IFNAR1: variants seen among roughly 807,000 people sequenced by gnomAD.
IFNAR1 encodes the protein interferon alpha/beta receptor 1.
A neutral mutation model predicts 62.1 loss-of-function variants in IFNAR1; 47 were observed. The observed-to-expected ratio is 0.76, with a 90% CI of 0.60 to 0.97. The LOEUF is 0.97. Ranked by LOEUF, IFNAR1 falls within the 50% of genes least tolerant of loss-of-function variation. The pLI is 0.00. For missense variants in IFNAR1, 638 were observed against 654.5 expected, an observed-to-expected ratio of 0.97 and a Z score of 0.27; for synonymous variants, 219 against 226.9, an observed-to-expected ratio of 0.97 and a Z score of 0.31.
At chr21:33,338,035 T>C (rs1430654313) in intron 2 of IFNAR1, among the ~76,000 whole-genome samples, 1 of 152,020 alleles carries the variant, frequency 6.6e-6, no homozygotes, top group Non-Finnish European at 1.5e-5. Context: ...GAGCTTAATA[T>C]CCAAGGAACT....
chr21:33,348,459 A>T lies in IFNAR1; in HGVS notation c.789-632A>T, dbSNP rs143057315. Among the ~76,000 whole-genome samples the T allele has an allele frequency of 2.8e-4, 42 of 152,262 alleles. No individual in the cohort carries two copies. The East Asian group carries it at 7.3e-3, about 27-fold the overall frequency. On this transcript the variant is annotated intron_variant, in intron 6 of 10. Coordinates refer to ENST00000270139, the MANE Select transcript of IFNAR1 (RefSeq NM_000629.3). ...GTAGTAAAATAATTAGGACAAGATG[A>T]ATTTATTTATTACCTCTGTCTTTAA...
intron 1 of IFNAR1, among the ~76,000 whole-genome samples, chr21:33,330,128 A>G (rs1374946844): frequency 2.0e-5 from 3 of 152,232 alleles, no homozygotes; most frequent in Non-Finnish European, 4.4e-5. Context: ...TGTGCACGTT[A>G]TTAGAGCAAT....
chr21:33,324,755 T>C (rs2083106420), upstream of IFNAR1: 1 of 478,052 alleles, frequency 2.1e-6, no homozygotes, highest in South Asian at 2.7e-5. Context: ...AAGAAGAGAA[T>C]GCAGGAGGCC....
At chr21:33,341,205 C>A (rs1381643453) in intron 3 of IFNAR1, 31 bp downstream of exon 3, 6 of 1,536,742 alleles carry the variant, frequency 3.9e-6, no homozygotes, top group Admixed American at 1.8e-5. Flanking sequence ...GAATTATATT[C>A]TTTAGTAAAT....
chr21:33,341,667 T>C (rs2083293570), intron 3 of IFNAR1, among the ~76,000 whole-genome samples: 1 of 152,128 alleles, frequency 6.6e-6, no homozygotes. Flanking sequence ...ATAAAATAGG[T>C]TTATCATTGT....
rs796391423 is a variant in IFNAR1, at chr21:33,339,950, A to G, written c.201-1049A>G. On this transcript the variant is annotated intron_variant, in intron 2 of 10. Transcript: ENST00000270139. ...CTCAAAAAAAAAAAAAAAAAAAAAA[A>G]GAAATCTGCTAAGTTCGTTTCTATC... is the stretch of plus-strand genomic sequence containing the variant. Among the ~76,000 whole-genome samples, 546 of 143,774 alleles carry G rather than the reference A, an allele frequency of 3.8e-3. 5 individuals carry two copies. The Middle Eastern group carries it at 0.04, about 10-fold the overall frequency. 94.3% of individuals were successfully genotyped at this position (143,774 alleles called of 152,430 possible). A position where few individuals can be genotyped will look rare whatever the true frequency, so the allele number is the denominator to read the frequency against.
intron 5 of IFNAR1, 72 bp downstream of exon 5, chr21:33,343,748 T>C (rs2083317798): frequency 4.0e-6 from 4 of 989,672 alleles, no homozygotes; most frequent in Non-Finnish European, 6.1e-6. Flanking sequence ...CTTCCCCATA[T>C]TGCTGAAGTT....
intron 10 of IFNAR1, among the ~76,000 whole-genome samples, chr21:33,354,033 G>C (rs1259759617): frequency 6.6e-6 from 1 of 152,188 alleles, no homozygotes; most frequent in African/African-American, 2.4e-5. Flanking sequence ...TGTGGCATTT[G>C]TTTTACCGTT....
intron 2 of IFNAR1, among the ~76,000 whole-genome samples, chr21:33,339,927 C>CAAAAA (rs532975886): frequency 7.3e-5 from 6 of 81,830 alleles, no homozygotes; most frequent in Non-Finnish European, 9.6e-5. Flanking sequence ...GACTCTGTCT[C>CAAAAA]AAAAAAAAAA....
intron 1 of IFNAR1, among the ~76,000 whole-genome samples, chr21:33,330,122 C>T (rs924180705): frequency 2.0e-5 from 3 of 152,198 alleles, no homozygotes; most frequent in African/African-American, 7.2e-5. Context: ...GACAGCTGTG[C>T]ACGTTATTAG....
chr21:33,337,094 G>A (rs2083244530), intron 2 of IFNAR1, among the ~76,000 whole-genome samples: 2 of 151,856 alleles, frequency 1.3e-5, no homozygotes, highest in Admixed American at 1.3e-4. Flanking sequence ...ATGGTGGCAT[G>A]TGTCTGTAAT....
Position 33,352,864 on chromosome 21 carries a change from A to C in IFNAR1, c.1250A>C (p.Lys417Thr). Reference protein sequence around the residue: ...RAHTMDEKLNKSSVFSDAVCE... With the variant: ...RAHTMDEKLNTSSVFSDAVCE... The stretch of plus-strand genomic sequence containing the variant: ...CACACCATGGATGAAAAGCTGAATA[A>C]AAGCAGTGTTTTTAGTGACGCTGTA... Residue 417 changes from lysine (K) to threonine (T), a missense_variant, in exon 9 of 11, where the codon AAA becomes ACA. Physicochemically the swap from Lys to Thr is moderately conservative, Grantham distance 78 (BLOSUM62 -1). Coordinates refer to ENST00000270139, the MANE Select transcript of IFNAR1 (RefSeq NM_000629.3). 2 of 1,604,244 alleles carry C rather than the reference A, an allele frequency of 1.2e-6. No homozygotes were observed. Among genetic ancestry groups the C allele is most frequent in the Non-Finnish European group, 1.7e-6 (2 of 1,173,132 alleles).
intron 6 of IFNAR1, among the ~76,000 whole-genome samples, chr21:33,347,684 C>A (rs1009768180): frequency 6.6e-6 from 1 of 152,158 alleles, no homozygotes; most frequent in Non-Finnish European, 1.5e-5. Context: ...TCTTCTGCCA[C>A]TTAATGTAAC....
chr21:33,339,609 C>T (rs914460546), intron 2 of IFNAR1, among the ~76,000 whole-genome samples: 3 of 152,054 alleles, frequency 2.0e-5, no homozygotes, highest in Admixed American at 6.6e-5. Context: ...ATGGGCTTAA[C>T]ATAGGTAAAA....
At position 33,356,530 on chromosome 21, in the gene IFNAR1, G is replaced by A. The variant is rs2083450058; in HGVS notation, c.*981G>A. 6.6e-6 allele frequency: 1 copy of A among 152,126 alleles called. No homozygotes were observed. The highest frequency in any genetic ancestry group is 2.1e-4 in the South Asian group (1 of 4,800). 9.4% of individuals were successfully genotyped at this position (152,126 alleles called of 1,614,324 possible). On this transcript the variant is annotated 3_prime_UTR_variant, in exon 11 of 11. Coordinates refer to ENST00000270139, the MANE Select transcript of IFNAR1 (RefSeq NM_000629.3). ...TACCCTTACATGGTTTAGGATTAAA[G>A]CCAGGCAATCTTTTACTATGCATTA...
At chr21:33,338,383 ACT>A (rs202070878) in intron 2 of IFNAR1, among the ~76,000 whole-genome samples, 1 of 151,944 alleles carries the variant, frequency 6.6e-6, no homozygotes, top group Non-Finnish European at 1.5e-5. Context: ...AAATACAAAA[ACT>A]TCAGCCGGAT....
chr21:33,328,377 T>C (rs961841750), intron 1 of IFNAR1, among the ~76,000 whole-genome samples: 1 of 152,194 alleles, frequency 6.6e-6, no homozygotes, highest in African/African-American at 2.4e-5. Flanking sequence ...ATGAGGCATA[T>C]CCAAACCTCA....
rs2083475002 is a variant in IFNAR1, at chr21:33,358,903, CA to C, written c.*3355del. The C allele has an allele frequency of 6.6e-6, 1 of 152,054 alleles. No individual in the cohort carries two copies. The highest frequency in any genetic ancestry group is 2.1e-4 in the South Asian group (1 of 4,818). 9.4% of individuals were successfully genotyped at this position (152,054 alleles called of 1,614,324 possible). On this transcript the variant is annotated 3_prime_UTR_variant, in exon 11 of 11. Transcript: ENST00000270139. ...CCCCTAAAAGAGGCCGTGATATTTG[CA>C]GCAGCCTCAAATTGCTCTTAAGGGG...
At position 33,335,410 on chromosome 21, in the gene IFNAR1, C is replaced by G. The variant is rs569937767; in HGVS notation, c.77-114C>G. On this transcript the variant is annotated intron_variant, in intron 1 of 10. Transcript: ENST00000270139. Reference sequence around the variant, plus strand: ...AGTTTTTTTAGATTTTTAAAATATACTTCATTATGTTTCACTGTATTCATT... The same window carrying G: ...AGTTTTTTTAGATTTTTAAAATATAGTTCATTATGTTTCACTGTATTCATT... 1.8e-5 allele frequency: 10 copies of G among 545,106 alleles called. No individual in the cohort carries two copies. The East Asian group carries it at 3.2e-4, about 17-fold the overall frequency. The allele number at this position is 545,106 out of a possible 1,614,324, so 33.8% of individuals were successfully genotyped here. A position where few individuals can be genotyped will look rare whatever the true frequency, so the allele number is the denominator to read the frequency against.
Sources: allele counts gnomAD v4.1 joint callset (sites outside exome capture counted in the v4.1 genomes callset), GRCh38; gene constraint gnomAD v4.1.1; transcripts MANE v1.5; gene names NCBI Gene and HGNC (gene_info 2026-07-23, HGNC 2026-07-21).